The following SDC2 variants were observed in gnomAD, a reference collection of about 807,000 sequenced individuals.
The protein encoded by SDC2 is syndecan-2.
Under a neutral mutation model 22.2 loss-of-function variants are expected in SDC2, and 13 were observed. That is an observed-to-expected ratio of 0.59 (90% CI 0.38 to 0.93). The LOEUF (loss-of-function observed/expected upper bound fraction) is 0.93. Among genes scored for constraint, SDC2 ranks in the 40% least tolerant of loss-of-function variants. The pLI is 0.00. For synonymous variants in SDC2, 94 were observed against 92.8 expected, an observed-to-expected ratio of 1.01 and a Z score of -0.07; for missense variants, 235 against 246.8, an observed-to-expected ratio of 0.95 and a Z score of 0.32.
intron 1 of SDC2, among the ~76,000 whole-genome samples, chr8:96,574,433 A>C (rs1814453237): frequency 6.6e-6 from 1 of 152,212 alleles, no homozygotes. Context: ...GTCTCATCAG[A>C]AACTTATCTA....
At chr8:96,598,963 A>G (rs1000221132) in intron 2 of SDC2, among the ~76,000 whole-genome samples, 2 of 130,342 alleles carry the variant, frequency 1.5e-5, no homozygotes, top group Non-Finnish European at 1.6e-5. Flanking sequence ...TTTTTTTGAG[A>G]CAGAGCCTCA....
intron 1 of SDC2, among the ~76,000 whole-genome samples, chr8:96,556,621 A>G (rs1216341536): frequency 6.6e-6 from 1 of 151,934 alleles, no homozygotes; most frequent in African/African-American, 2.4e-5. Flanking sequence ...ACAAAAATCA[A>G]TTCAAGATGG....
chr8:96,574,598 G>C (rs1209884950), intron 1 of SDC2, among the ~76,000 whole-genome samples: 1 of 152,140 alleles, frequency 6.6e-6, no homozygotes, highest in East Asian at 1.9e-4. Flanking sequence ...ATAACAGCCA[G>C]GCCTGCTATC....
chr8:96,514,055 A>G (rs1230992542), intron 1 of SDC2, among the ~76,000 whole-genome samples: 5 of 152,232 alleles, frequency 3.3e-5, no homozygotes, highest in Admixed American at 3.3e-4. Context: ...GAGACTAGAC[A>G]TCTTTTGTTG....
At chr8:96,528,262 A>G (rs1204164304) in intron 1 of SDC2, among the ~76,000 whole-genome samples, 3 of 152,182 alleles carry the variant, frequency 2.0e-5, no homozygotes, top group Non-Finnish European at 2.9e-5. Context: ...GATCTCTGAG[A>G]AAGAGGATTT....
At chr8:96,601,083 G>C (rs995728875) in intron 2 of SDC2, among the ~76,000 whole-genome samples, 15 of 152,148 alleles carry the variant, frequency 9.9e-5, no homozygotes, top group African/African-American at 3.6e-4. Context: ...GGGAAGCCAG[G>C]AACTCTTAGG....
At chr8:96,547,527 C>T (rs777337675) in intron 1 of SDC2, among the ~76,000 whole-genome samples, 3 of 152,096 alleles carry the variant, frequency 2.0e-5, no homozygotes, top group Non-Finnish European at 4.4e-5. Flanking sequence ...TCATTCACCT[C>T]ATCACGGTAT....
intron 2 of SDC2, among the ~76,000 whole-genome samples, chr8:96,599,268 T>A (rs1039269616): frequency 6.6e-6 from 1 of 152,070 alleles, no homozygotes; most frequent in East Asian, 1.9e-4. Context: ...AGTGCCAGCT[T>A]AAGGGGGATT....
At chr8:96,564,430 A>G (rs1814263709) in intron 1 of SDC2, among the ~76,000 whole-genome samples, 1 of 152,188 alleles carries the variant, frequency 6.6e-6, no homozygotes, top group African/African-American at 2.4e-5. Context: ...ATCAGTACCT[A>G]ATAGATTTTT....
intron 1 of SDC2, among the ~76,000 whole-genome samples, chr8:96,557,006 C>CA (rs1563660388): frequency 1.3e-5 from 2 of 150,778 alleles, no homozygotes; most frequent in African/African-American, 2.4e-5. Context: ...TTTATGCAGC[C>CA]AAAAAACACA....
At chr8:96,542,833 T>C (rs548373309) in intron 1 of SDC2, among the ~76,000 whole-genome samples, 3 of 152,326 alleles carry the variant, frequency 2.0e-5, no homozygotes, top group Non-Finnish European at 4.4e-5. Flanking sequence ...CGACCATATG[T>C]CCCAGTTTTA....
At chr8:96,536,504 T>A (rs1409189068) in intron 1 of SDC2, among the ~76,000 whole-genome samples, 1 of 148,168 alleles carries the variant, frequency 6.7e-6, no homozygotes, top group Non-Finnish European at 1.5e-5. Flanking sequence ...CTAATTTTTG[T>A]AGATACGGGG....
intron 1 of SDC2, among the ~76,000 whole-genome samples, chr8:96,565,751 G>T (rs989022011): frequency 6.6e-6 from 1 of 152,096 alleles, no homozygotes; most frequent in African/African-American, 2.4e-5. Flanking sequence ...GAAAGGCTGG[G>T]TAGATAACTG....
At chr8:96,503,409 CA>C (rs373761216) in intron 1 of SDC2, among the ~76,000 whole-genome samples, 1 of 152,016 alleles carries the variant, frequency 6.6e-6, no homozygotes, top group Admixed American at 6.5e-5. Context: ...CTATAGTACA[CA>C]AAAAGTTAGA....
intron 1 of SDC2, among the ~76,000 whole-genome samples, chr8:96,548,573 C>A (rs910577307): frequency 6.6e-6 from 1 of 152,212 alleles, no homozygotes; most frequent in African/African-American, 2.4e-5. Flanking sequence ...CTTCTCTAAT[C>A]TGCAGACAGG....
intron 1 of SDC2, among the ~76,000 whole-genome samples, chr8:96,512,500 G>T (rs990977034): frequency 2.0e-5 from 3 of 152,120 alleles, no homozygotes; most frequent in African/African-American, 7.2e-5. Flanking sequence ...AAAAGGATTG[G>T]TTCCCCCAAA....
At chr8:96,598,958 T>TC (rs1814929292) in intron 2 of SDC2, among the ~76,000 whole-genome samples, 1 of 150,812 alleles carries the variant, frequency 6.6e-6, no homozygotes, top group Admixed American at 6.6e-5. Context: ...TTTTTTTTTT[T>TC]TGAGACAGAG....
chr8:96,569,157 A>G (rs534270498), intron 1 of SDC2, among the ~76,000 whole-genome samples: 22 of 152,224 alleles, frequency 1.4e-4, no homozygotes, highest in African/African-American at 5.3e-4. Flanking sequence ...GCAGGTGCAC[A>G]CCAACACGTC....
intron 1 of SDC2, among the ~76,000 whole-genome samples, chr8:96,582,810 T>C (rs1317762524): frequency 6.6e-6 from 1 of 152,150 alleles, no homozygotes; most frequent in Non-Finnish European, 1.5e-5. Flanking sequence ...GGGGCTAAGC[T>C]GGAAGGGAGC....
Sources: allele counts gnomAD v4.1 joint callset (sites outside exome capture counted in the v4.1 genomes callset), GRCh38; gene constraint gnomAD v4.1.1; transcripts MANE v1.5; gene names NCBI Gene and HGNC (gene_info 2026-07-23, HGNC 2026-07-21).